ATG9A: variants seen among roughly 807,000 people sequenced by gnomAD.
ATG9A encodes the protein autophagy related 9A.
A neutral mutation model predicts 87.1 loss-of-function variants in ATG9A; 21 were observed. The observed-to-expected ratio is 0.24, with a 90% CI of 0.17 to 0.35. The LOEUF (loss-of-function observed/expected upper bound fraction) is 0.35. Ranked by LOEUF, ATG9A falls within the 10% of genes least tolerant of loss-of-function variation. The pLI is 1.00. For synonymous variants in ATG9A, 422 were observed against 441.3 expected (o/e 0.96, Z 0.55); for missense variants, 836 against 1,107.3 (o/e 0.76, Z 3.48).
intron 14 of ATG9A, 21 bp downstream of exon 14, chr2:219,221,059 T>C (rs772037463): frequency 6.2e-7 from 1 of 1,611,142 alleles, no homozygotes; most frequent in East Asian, 2.2e-5. Context: ...CTCTGTTTCC[T>C]CCTATACCCC....
chr2:219,225,617 C>G, intron 5 of ATG9A, 45 bp from the exon 6 acceptor site: 2 of 1,595,136 alleles, frequency 1.3e-6, no homozygotes, highest in African/African-American at 1.3e-5. Flanking sequence ...GCCAGAGAGG[C>G]TCCAGTGAAA....
Position 219,225,529 on chromosome 2 carries a change from A to G in ATG9A, c.256T>C (p.Cys86Arg), listed in dbSNP as rs1559246415. The G allele has an allele frequency of 1.2e-6, 2 of 1,614,106 alleles. No individual in the cohort carries two copies. The highest frequency in any genetic ancestry group is 1.7e-6 in the Non-Finnish European group (2 of 1,180,042). The change falls in exon 6 of 16, where the codon TGC becomes CGC. Residue 86 changes from cysteine to arginine, a missense_variant. Coordinates refer to ENST00000361242, the MANE Select transcript of ATG9A (RefSeq NM_001077198.3). Reference protein sequence around the residue: ...VVAFTTFLVSCVDYDILFANK... With the variant: ...VVAFTTFLVSRVDYDILFANK... ...GCAAATAGGATGTCATAGTCCACGC[A>G]GCTGACCAGGAAGGTAGTGAAGGCA... is the stretch of plus-strand genomic sequence containing the variant.
intron 4 of ATG9A, 106 bp downstream of exon 4, chr2:219,227,664 C>T: frequency 7.4e-7 from 1 of 1,342,818 alleles, no homozygotes; most frequent in South Asian, 1.3e-5. Context: ...AGCTCCATTC[C>T]CGTTTCCAGG....
rs779713032 is a variant in ATG9A at position 219,224,249 on chromosome 2, T to C, written c.1122A>G (p.Thr374=). The C allele has an allele frequency of 2.5e-6, 4 of 1,613,790 alleles. No individual in the cohort carries two copies. The highest frequency in any genetic ancestry group is 1.7e-5 in the Admixed American group (1 of 60,000). ...YMNCFLSPLL[T]LLAKNGAFFA... is the part of the protein sequence containing the mutation. The stretch of plus-strand genomic sequence containing the variant: ...AGAAGGCTCCATTCTTGGCCAGCAG[T>C]GTCAAAAGAGGTGACAAGAAGCAAT... The change falls in exon 8 of 16, where the codon ACA becomes ACG. Residue 374 remains threonine (T), a synonymous_variant. Transcript: ENST00000361242. This position sits in a 1 kb window ranked among gnomAD's most constrained non-coding sequence, Gnocchi z 7.7.
chr2:219,226,807 C>T, intron 5 of ATG9A, 62 bp downstream of exon 5: 1 of 1,497,710 alleles, frequency 6.7e-7, no homozygotes, highest in Non-Finnish European at 9.3e-7. Flanking sequence ...AGTGTGAGTG[C>T]AAGGAGAGGA....
chr2:219,225,322 A>C (rs1950839373), intron 6 of ATG9A, 89 bp downstream of exon 6: 1 of 1,595,532 alleles, frequency 6.3e-7, no homozygotes, highest in Non-Finnish European at 8.6e-7. Flanking sequence ...TCAGTTCTGG[A>C]GTATGAGTTG....
intron 2 of ATG9A, 78 bp from the exon 3 acceptor site, chr2:219,228,131 G>C: frequency 2.0e-6 from 2 of 989,516 alleles, no homozygotes; most frequent in South Asian, 3.1e-5. Context: ...CTGCCAAAAG[G>C]AGAAAGTACC....
chr2:219,220,883 G>A lies in ATG9A; in HGVS notation c.2378C>T (p.Thr793Ile). ...RRYGGITDPG[T>I]VPRVPSHFSR... ...GAAATGAGAGGGAACCCTGGGCACT[G>A]TGCCAGGATCTGGAGAGACAAGTAA... is the stretch of plus-strand genomic sequence containing the variant. Residue 793 changes from threonine to isoleucine, a missense_variant, in exon 15 of 16, where the codon ACA becomes ATA. By Grantham distance (89) the Thr-to-Ile change is moderately conservative. Coordinates refer to ENST00000361242, the MANE Select transcript of ATG9A (RefSeq NM_001077198.3). 1 of 1,613,264 alleles carries A rather than the reference G, an allele frequency of 6.2e-7. No homozygotes were observed. Among genetic ancestry groups the A allele is most frequent in the South Asian group, 1.1e-5 (1 of 91,066 alleles).
intron 15 of ATG9A, 40 bp from the exon 16 acceptor site, chr2:219,220,492 C>T (rs372702555): frequency 9.6e-5 from 155 of 1,612,216 alleles, no homozygotes; most frequent in Non-Finnish European, 1.2e-4. Flanking sequence ...TAGTCTTCAG[C>T]TTCTGGTTGA....
chr2:219,224,861 G>T lies in ATG9A; in HGVS notation c.517-7C>A. ...TGCAATACGGAAGGGCAGACTGCGG[G>T]GTGGGGTGGGGAAGAGACAAGGTAC... On this transcript the variant is annotated splice_polypyrimidine_tract_variant and splice_region_variant and intron_variant, in intron 7 of 15. Coordinates refer to ENST00000361242, the MANE Select transcript of ATG9A (RefSeq NM_001077198.3). This position sits in a 1 kb window ranked among gnomAD's most constrained non-coding sequence, Gnocchi z 7.7. The T allele has an allele frequency of 6.6e-7, 1 of 1,515,272 alleles. No individual in the cohort carries two copies. The highest frequency in any genetic ancestry group is 8.9e-7 in the Non-Finnish European group (1 of 1,123,518). 93.9% of individuals were successfully genotyped at this position (1,515,272 alleles called of 1,614,324 possible). A position where few individuals can be genotyped will look rare whatever the true frequency, so the allele number is the denominator to read the frequency against.
chr2:219,225,182 G>A lies in ATG9A; in HGVS notation c.405C>T (p.Ile135=), dbSNP rs759593766. 10 of 1,614,220 alleles carry A rather than the reference G, an allele frequency of 6.2e-6. No individual in the cohort carries two copies. The South Asian group carries it at 1.1e-4, about 18-fold the overall frequency. Residue 135 remains isoleucine, a synonymous_variant, in exon 7 of 16, where the codon ATC becomes ATT. Transcript: ENST00000361242. ...TCCAGAAGACACCAGCAATGACCAG[G>A]ATGGTGATAAGGGAGCCATTTTCCT... ...RIQENGSLIT[I]LVIAGVFWIH...
chr2:219,221,971 T>C (rs1950769392), intron 13 of ATG9A, 79 bp downstream of exon 13: 3 of 1,276,186 alleles, frequency 2.4e-6, no homozygotes, highest in Admixed American at 2.1e-5. Flanking sequence ...AACAAGTAAA[T>C]GGCAGAGAAG....
intron 3 of ATG9A, 42 bp from the exon 4 acceptor site, chr2:219,227,855 C>T (rs1950894314): frequency 6.2e-7 from 1 of 1,613,204 alleles, no homozygotes; most frequent in Non-Finnish European, 8.5e-7. Flanking sequence ...TGGGAGAACA[C>T]AAGCCCCTTG....
chr2:219,223,753 C>T lies in ATG9A; in HGVS notation c.1431G>A (p.Leu477=), dbSNP rs1307028665. The T allele has an allele frequency of 1.2e-6, 2 of 1,612,874 alleles. No individual in the cohort carries two copies. The highest frequency in any genetic ancestry group is 1.7e-6 in the Non-Finnish European group (2 of 1,179,364). The change falls in exon 10 of 16, where the codon TTG becomes TTA. Residue 477 remains leucine (L), a synonymous_variant. Coordinates refer to ENST00000361242, the MANE Select transcript of ATG9A (RefSeq NM_001077198.3). This position sits in a 1 kb window ranked among gnomAD's most constrained non-coding sequence, Gnocchi z 4.7. ...QLFQYKAVFI[L]EELLSPIVTP... ...TGACAATGGGGCTCAGCAACTCTTC[C>T]AAAATGAACACCTAAAAGGGCGGGA... is the stretch of plus-strand genomic sequence containing the variant.
intron 2 of ATG9A, 88 bp from the exon 3 acceptor site, chr2:219,228,141 C>T: frequency 3.3e-6 from 3 of 905,590 alleles, no homozygotes; most frequent in Non-Finnish European, 5.0e-6. Context: ...GAGAAAGTAC[C>T]CTTGGGCTTT....
chr2:219,226,958 CA>C (rs1477993631), intron 4 of ATG9A, 25 bp from the exon 5 acceptor site: 1 of 1,594,604 alleles, frequency 6.3e-7, no homozygotes, highest in East Asian at 2.2e-5. Context: ...AAAAAGTAGT[CA>C]GTAAAGAAAG....
At position 219,222,031 on chromosome 2, in the gene ATG9A, T is replaced by C. The variant is rs1265385882; in HGVS notation, c.2145+19A>G. On this transcript the variant is annotated intron_variant, in intron 13 of 15. Coordinates refer to ENST00000361242, the MANE Select transcript of ATG9A (RefSeq NM_001077198.3). The surrounding 1 kb of genome is among the most constrained non-coding windows in gnomAD (Gnocchi z 4.3). Reference sequence around the variant, plus strand: ...TCCGCATCTAAACCCTCTACTCTCTTTTTTAGCTGTGCACTCACCTGGTGC... The same window carrying C: ...TCCGCATCTAAACCCTCTACTCTCTCTTTTAGCTGTGCACTCACCTGGTGC... The C allele has an allele frequency of 6.2e-7, 1 of 1,607,874 alleles. No homozygotes were observed. The highest frequency in any genetic ancestry group is 1.3e-5 in the African/African-American group (1 of 74,752).
At chr2:219,228,309 T>G (rs1054083223) in intron 2 of ATG9A, 125 bp downstream of exon 2, 3 of 423,210 alleles carry the variant, frequency 7.1e-6, no homozygotes, top group African/African-American at 6.1e-5. Flanking sequence ...GGGGGCTGTT[T>G]CATCTTCTAT....
At position 219,229,325 on chromosome 2, in the gene ATG9A, C is replaced by G. The variant is rs1290426816; in HGVS notation, c.-82+210G>C. On this transcript the variant is annotated intron_variant, in intron 1 of 15. Transcript: ENST00000361242. This position sits in a 1 kb window ranked among gnomAD's most constrained non-coding sequence, Gnocchi z 4.2. ...CAGGCCAAGGGCTGGCAGCTCCCAA[C>G]AGCGGACAACCTCGCGCGCGGCCCC... 1.3e-5 allele frequency: 2 copies of G among 151,892 alleles called. No individual in the cohort carries two copies. Among genetic ancestry groups the G allele is most frequent in the Non-Finnish European group, 2.9e-5 (2 of 67,894 alleles). 9.4% of individuals were successfully genotyped at this position (151,892 alleles called of 1,614,324 possible).
Sources: gnomAD v4.1 joint callset for allele counts on GRCh38, gnomAD v4.1.1 for gene constraint, Gnocchi (gnomAD v3.1) non-coding constraint, MANE v1.5 for transcripts, NCBI Gene and HGNC (gene_info 2026-07-23, HGNC 2026-07-21) for gene names.